DTNA: variants seen among roughly 807,000 people sequenced by gnomAD.
DTNA encodes the protein dystrobrevin alpha.
In DTNA, 43 loss-of-function variants were observed where a neutral mutation model predicts 100.7. That is an observed-to-expected ratio of 0.43 (90% CI 0.33 to 0.55). The LOEUF is 0.55. Ranked by LOEUF, DTNA falls within the 20% of genes least tolerant of loss-of-function variation. The probability of loss-of-function intolerance (pLI) is 0.04; values close to 1 mark genes in which losing one functional copy is unlikely to be tolerated. For synonymous variants in DTNA, 349 were observed against 347.9 expected, an observed-to-expected ratio of 1.00 and a Z score of -0.04; for missense variants, 798 against 953.9, an observed-to-expected ratio of 0.84 and a Z score of 2.15.
intron 1 of DTNA, among the ~76,000 whole-genome samples, chr18:34,521,867 A>T (rs1568582964): frequency 6.6e-6 from 1 of 152,276 alleles, no homozygotes; most frequent in East Asian, 1.9e-4. Flanking sequence ...ACACTGAAGC[A>T]TACATATATT....
Position 34,681,731 on chromosome 18 carries a change from C to CACACACACA in DTNA, c.-1-74245_-1-74244insACACACACA, listed in dbSNP as rs1491407771. On this transcript the variant is annotated intron_variant, in intron 1 of 19. Transcript: ENST00000283365. ...ACACACACACACACACACACACACA[C>CACACACACA]CCCACACACACACACCCTATGGACA... 2.5e-3 allele frequency among the ~76,000 whole-genome samples: 372 copies of CACACACACA among 148,104 alleles called. 2 individuals are homozygous for CACACACACA. Among genetic ancestry groups the CACACACACA allele is most frequent in the African/African-American group, 8.6e-3 (339 of 39,422 alleles).
chr18:34,682,727 GT>G (rs1389020575), intron 1 of DTNA, among the ~76,000 whole-genome samples: 2 of 151,990 alleles, frequency 1.3e-5, no homozygotes, highest in African/African-American at 4.8e-5. Flanking sequence ...AGTGTTAAAA[GT>G]TCTTTGTATA....
At chr18:34,884,691 T>A (rs747216858) in intron 21 of DTNA, 37 bp from the exon 22 acceptor site, 1 of 1,613,310 alleles carries the variant, frequency 6.2e-7, no homozygotes. Flanking sequence ...AGACTTGACG[T>A]GTCACCTTTC....
intron 4 of DTNA, among the ~76,000 whole-genome samples, chr18:34,801,691 A>G (rs1256344622): frequency 6.6e-6 from 1 of 151,740 alleles, no homozygotes; most frequent in Non-Finnish European, 1.5e-5. Flanking sequence ...TTTGTATTTT[A>G]GTAGAGACGG....
chr18:34,755,682 A>T (rs2092719640), intron 1 of DTNA: 1 of 363,464 alleles, frequency 2.8e-6, no homozygotes, highest in African/African-American at 2.1e-5. Context: ...CACCTAACAG[A>T]TGGTAGATTG....
chr18:34,689,531 G>A (rs2145804374), intron 1 of DTNA, among the ~76,000 whole-genome samples: 1 of 152,288 alleles, frequency 6.6e-6, no homozygotes, highest in African/African-American at 2.4e-5. Context: ...CGTCCCAGAA[G>A]GGCACCTGCC....
At chr18:34,757,250 C>T (rs1451657985) in intron 2 of DTNA, 2 of 152,206 alleles carry the variant, frequency 1.3e-5, no homozygotes, top group Non-Finnish European at 2.9e-5. Context: ...GGAATTGTGA[C>T]CTTTGTGCAG....
chr18:34,841,460 C>T (rs2096267182), intron 13 of DTNA, among the ~76,000 whole-genome samples: 1 of 152,174 alleles, frequency 6.6e-6, no homozygotes, highest in Non-Finnish European at 1.5e-5. Context: ...TGTGACTTCT[C>T]ATGTTAATTG....
At chr18:34,533,141 C>T (rs1183418355) in intron 1 of DTNA, among the ~76,000 whole-genome samples, 6 of 151,858 alleles carry the variant, frequency 4.0e-5, no homozygotes, top group African/African-American at 9.6e-5. Context: ...GAGGCTGAGG[C>T]GGGTGGATCA....
chr18:34,829,741 G>T lies in DTNA; in HGVS notation c.1175+252G>T, dbSNP rs537361636. 2.0e-5 allele frequency among the ~76,000 whole-genome samples: 3 copies of T among 152,316 alleles called. No individual in the cohort carries two copies. In the South Asian group the frequency reaches 6.2e-4, roughly 32 times the overall value. On this transcript the variant is annotated intron_variant, in intron 11 of 22. Transcript: ENST00000444659. ...TATAAGAGATGTATATATGTGAAAT[G>T]TATCAAGCTGGATCTTGTTTGGACA...
intron 1 of DTNA, among the ~76,000 whole-genome samples, chr18:34,573,770 C>T (rs1380241224): frequency 6.6e-6 from 1 of 152,152 alleles, no homozygotes; most frequent in African/African-American, 2.4e-5. Context: ...TAACTACAGC[C>T]ACCATGTTGT....
rs757645396 is a variant in DTNA at position 34,806,314 on chromosome 18, T to G, written c.448+10T>G. 11 of 1,612,804 alleles carry G rather than the reference T, an allele frequency of 6.8e-6. No individual in the cohort carries two copies. The African/African-American group carries it at 1.2e-4, about 18-fold the overall frequency. ...ATGGACAAATTAAGATGTAAGTTATTATTCCTTGTGTGTCTGTTTGCTTTT... is the reference window on the plus strand; with the variant it reads ...ATGGACAAATTAAGATGTAAGTTATGATTCCTTGTGTGTCTGTTTGCTTTT... On this transcript the variant is annotated intron_variant, in intron 5 of 22. Coordinates refer to ENST00000444659, the MANE Select transcript of DTNA (RefSeq NM_001386795.1).
chr18:34,727,911 T>C (rs1399087016), intron 1 of DTNA, among the ~76,000 whole-genome samples: 1 of 152,134 alleles, frequency 6.6e-6, no homozygotes, highest in Non-Finnish European at 1.5e-5. Context: ...ATATGTTTTT[T>C]ATAAAATGCC....
intron 1 of DTNA, among the ~76,000 whole-genome samples, chr18:34,569,992 T>TATGACACA (rs1305611469): frequency 6.6e-6 from 1 of 152,190 alleles, no homozygotes; most frequent in Non-Finnish European, 1.5e-5. Flanking sequence ...AAATTAACCA[T>TATGACACA]ATGACACATA....
intron 1 of DTNA, among the ~76,000 whole-genome samples, chr18:34,654,882 A>G (rs984800917): frequency 6.6e-6 from 1 of 152,024 alleles, no homozygotes; most frequent in Non-Finnish European, 1.5e-5. Context: ...GTGTGCCACC[A>G]CACCCAGCTT....
At chr18:34,659,583 TA>T (rs1226760373) in intron 1 of DTNA, among the ~76,000 whole-genome samples, 1 of 152,124 alleles carries the variant, frequency 6.6e-6, no homozygotes, top group African/African-American at 2.4e-5. Flanking sequence ...GAAATCCATA[TA>T]TATTTCATTC....
intron 3 of DTNA, among the ~76,000 whole-genome samples, chr18:34,792,007 A>G (rs969189255): frequency 1.3e-5 from 2 of 152,206 alleles, no homozygotes; most frequent in African/African-American, 4.8e-5. Flanking sequence ...TTCCCTTCAT[A>G]ACATAAAACA....
At chr18:34,792,427 G>C (rs1216168521) in intron 3 of DTNA, among the ~76,000 whole-genome samples, 2 of 152,120 alleles carry the variant, frequency 1.3e-5, no homozygotes, top group Admixed American at 1.3e-4. Context: ...AAGTAAGAGA[G>C]AAGTCAAGAA....
intron 1 of DTNA, among the ~76,000 whole-genome samples, chr18:34,494,918 G>C (rs1024979784): frequency 6.6e-6 from 1 of 151,364 alleles, no homozygotes; most frequent in African/African-American, 2.4e-5. Context: ...TTATTCCAAA[G>C]GTGGAAACTT....
Sources: allele counts gnomAD v4.1 joint callset (sites outside exome capture counted in the v4.1 genomes callset), GRCh38; gene constraint gnomAD v4.1.1; transcripts MANE v1.5; gene names NCBI Gene and HGNC (gene_info 2026-07-23, HGNC 2026-07-21).